The following TRIP4 variants were observed in gnomAD, a reference collection of about 807,000 sequenced individuals.
The protein encoded by TRIP4 is thyroid hormone receptor interactor 4, also known as activating signal cointegrator 1.
TRIP4 carries 54 observed loss-of-function variants against 81.8 expected under a neutral mutation model. That is an observed-to-expected ratio of 0.66 (90% CI 0.53 to 0.83). The LOEUF is 0.83. Among genes scored for constraint, TRIP4 ranks in the 40% least tolerant of loss-of-function variants. The pLI is 0.00. For missense variants in TRIP4, 662 were observed against 683.6 expected (o/e 0.97, Z 0.35); for synonymous variants, 270 against 242.8 (o/e 1.11, Z -1.04).
intron 3 of TRIP4, among the ~76,000 whole-genome samples, chr15:64,396,990 G>C (rs540095923): frequency 6.6e-6 from 1 of 152,180 alleles, no homozygotes; most frequent in African/African-American, 2.4e-5. Flanking sequence ...TTATTTTGAC[G>C]ACTAATGAAA....
At chr15:64,424,587 C>G (rs894628898) in intron 10 of TRIP4, among the ~76,000 whole-genome samples, 1 of 152,150 alleles carries the variant, frequency 6.6e-6, no homozygotes, top group Admixed American at 6.6e-5. Flanking sequence ...CCCAAGAATA[C>G]TAACTTTGGA....
At chr15:64,412,191 T>G (rs1462572660) in intron 7 of TRIP4, among the ~76,000 whole-genome samples, 1 of 152,220 alleles carries the variant, frequency 6.6e-6, no homozygotes, top group Non-Finnish European at 1.5e-5. Flanking sequence ...TTTTTACTAT[T>G]TCTTTTATAG....
At chr15:64,413,371 C>T (rs78585870) in intron 7 of TRIP4, among the ~76,000 whole-genome samples, 317 of 151,892 alleles carry the variant, frequency 2.1e-3, no homozygotes, top group Admixed American at 5.3e-3. Context: ...GAACCAGGGT[C>T]TCTCTATGTT....
At chr15:64,436,069 T>C (rs904181029) in intron 11 of TRIP4, among the ~76,000 whole-genome samples, 6 of 151,878 alleles carry the variant, frequency 4.0e-5, no homozygotes, top group Non-Finnish European at 8.8e-5. Flanking sequence ...CCGACGCATT[T>C]GGATCACCTG....
At position 64,406,370 on chromosome 15, in the gene TRIP4, C is replaced by T; in HGVS notation, c.738C>T (p.Asp246=). 1 of 1,614,168 alleles carries T rather than the reference C, an allele frequency of 6.2e-7. No individual in the cohort carries two copies. Among genetic ancestry groups the T allele is most frequent in the Non-Finnish European group, 8.5e-7 (1 of 1,180,036 alleles). The stretch of plus-strand genomic sequence containing the variant: ...GAAAGGTGGACATCTCTACCAAGGA[C>T]CTTCTTCCTCATCAAGAATTGCGAA... ...NSGKVDISTK[D]LLPHQELRIK... Residue 246 remains aspartate, a synonymous_variant, in exon 6 of 13, where the codon GAC becomes GAT. Transcript: ENST00000261884.
At chr15:64,415,540 CTT>C (rs1165823791) in intron 8 of TRIP4, among the ~76,000 whole-genome samples, 1 of 152,132 alleles carries the variant, frequency 6.6e-6, no homozygotes, top group South Asian at 2.1e-4. Flanking sequence ...CTCTAGGTGT[CTT>C]TTGCCTTGTA....
intron 9 of TRIP4, among the ~76,000 whole-genome samples, chr15:64,422,223 G>A (rs1346593249): frequency 6.6e-6 from 1 of 152,162 alleles, no homozygotes; most frequent in Non-Finnish European, 1.5e-5. Context: ...GGATACTGAA[G>A]CAGGCAAAGG....
intron 12 of TRIP4, among the ~76,000 whole-genome samples, chr15:64,453,641 T>C (rs568377723): frequency 2.6e-5 from 4 of 152,306 alleles, no homozygotes; most frequent in Admixed American, 2.6e-4. Context: ...TATTGTTAAA[T>C]GATATTCAGG....
chr15:64,400,943 T>C (rs1891485644), intron 5 of TRIP4, 122 bp downstream of exon 5: 1 of 658,784 alleles, frequency 1.5e-6, no homozygotes, highest in African/African-American at 4.6e-5. Context: ...CTCAGTTTTT[T>C]TGGGGGGTTT....
intron 4 of TRIP4, among the ~76,000 whole-genome samples, chr15:64,398,143 C>T (rs566880452): frequency 2.0e-5 from 3 of 152,146 alleles, no homozygotes; most frequent in South Asian, 4.1e-4. Context: ...CCTTGTGATC[C>T]GCCCACCTCG....
intron 11 of TRIP4, among the ~76,000 whole-genome samples, chr15:64,436,290 G>A (rs1892395241): frequency 2.0e-5 from 3 of 147,440 alleles, no homozygotes; most frequent in Middle Eastern, 7.5e-3. Context: ...ACGACACTCC[G>A]TCTCAAAAGA....
At chr15:64,449,592 T>A (rs926500544) in intron 12 of TRIP4, among the ~76,000 whole-genome samples, 2 of 150,824 alleles carry the variant, frequency 1.3e-5, no homozygotes, top group African/African-American at 2.4e-5. Context: ...ATATAAAAAA[T>A]ATATGGATGT....
intron 11 of TRIP4, among the ~76,000 whole-genome samples, chr15:64,430,937 A>C (rs998052934): frequency 5.9e-5 from 9 of 152,132 alleles, no homozygotes; most frequent in African/African-American, 2.2e-4. Flanking sequence ...AAGTATCTTC[A>C]GGATCTAGGA....
At chr15:64,389,049 A>G (rs1014030103) in intron 1 of TRIP4, among the ~76,000 whole-genome samples, 1 of 152,172 alleles carries the variant, frequency 6.6e-6, no homozygotes, top group Non-Finnish European at 1.5e-5. Flanking sequence ...AAAATAAAGG[A>G]TTCTCATTAA....
intron 5 of TRIP4, 114 bp from the exon 6 acceptor site, chr15:64,406,216 T>A (rs1416827533): frequency 7.5e-7 from 1 of 1,329,062 alleles, no homozygotes; most frequent in Non-Finnish European, 1.0e-6. Context: ...AAATGAAGGC[T>A]CCAGGCCATC....
chr15:64,394,222 A>C, intron 2 of TRIP4, 107 bp downstream of exon 2: 1 of 992,004 alleles, frequency 1.0e-6, no homozygotes, highest in Non-Finnish European at 1.4e-6. Flanking sequence ...TTCACAGCTA[A>C]CTTAAACAGA....
rs764176765 is a variant in TRIP4 at position 64,395,422 on chromosome 15, G to T, written c.296G>T (p.Gly99Val). The stretch of plus-strand genomic sequence containing the variant: ...GAAATTTTAGATGGGCAGAAATCAG[G>T]CGACCATCTAAAGCGGGGTAGGAAG... Reference protein sequence around the residue: ...KDEILDGQKSGDHLKRGRKKG... With the variant: ...KDEILDGQKSVDHLKRGRKKG... Residue 99 changes from glycine to valine, a missense_variant, in exon 3 of 13, where the codon GGC becomes GTC. By Grantham distance (109) the Gly-to-Val change is moderately radical (BLOSUM62 -3). Transcript: ENST00000261884. 5 of 1,611,360 alleles carry T rather than the reference G, an allele frequency of 3.1e-6. No homozygotes were observed. The East Asian group carries it at 8.9e-5, about 29-fold the overall frequency.
At chr15:64,437,206 G>A (rs1486244765) in intron 11 of TRIP4, among the ~76,000 whole-genome samples, 1 of 151,578 alleles carries the variant, frequency 6.6e-6, no homozygotes, top group East Asian at 2.0e-4. Context: ...GGATCACGAG[G>A]TTGGGAGTTC....
Position 64,446,053 on chromosome 15 carries a change from A to C in TRIP4, c.1678+945A>C, listed in dbSNP as rs552424709. Among the ~76,000 whole-genome samples, 39 of 152,140 alleles carry C rather than the reference A, an allele frequency of 2.6e-4. 1 individual carries two copies. The South Asian group carries it at 7.3e-3, about 28-fold the overall frequency. Reference sequence around the variant, plus strand: ...TTTGGGAGGCTGAGACGGGTGGATCATCTGAGGTCAGGAGTTCGAGACCAG... The same window carrying C: ...TTTGGGAGGCTGAGACGGGTGGATCCTCTGAGGTCAGGAGTTCGAGACCAG... On this transcript the variant is annotated intron_variant, in intron 12 of 12. Coordinates refer to ENST00000261884, the MANE Select transcript of TRIP4 (RefSeq NM_016213.5).
Sources: allele counts gnomAD v4.1 joint callset (sites outside exome capture counted in the v4.1 genomes callset), GRCh38; gene constraint gnomAD v4.1.1; transcripts MANE v1.5; gene names NCBI Gene and HGNC (gene_info 2026-07-23, HGNC 2026-07-21).